The following RNGTT variants were observed in gnomAD, a reference collection of about 807,000 sequenced individuals.
The protein encoded by RNGTT is mRNA-capping enzyme.
Under a neutral mutation model 79.3 loss-of-function variants are expected in RNGTT, and 33 were observed. The ratio of observed to expected loss-of-function variants is 0.42; its 90% CI spans 0.32 to 0.56. The LOEUF (loss-of-function observed/expected upper bound fraction) is 0.56. Among genes scored for constraint, RNGTT ranks in the 20% least tolerant of loss-of-function variants. RNGTT has a pLI of 0.17. For missense variants in RNGTT, 497 were observed against 739.1 expected, an observed-to-expected ratio of 0.67 and a Z score of 3.80; for synonymous variants, 222 against 235.9, an observed-to-expected ratio of 0.94 and a Z score of 0.54.
intron 11 of RNGTT, among the ~76,000 whole-genome samples, chr6:88,812,533 G>T (rs1780173815): frequency 6.6e-6 from 1 of 152,206 alleles, no homozygotes; most frequent in African/African-American, 2.4e-5. Flanking sequence ...ACTGTGTTAA[G>T]TGTTTGAGAT....
At chr6:88,908,682 C>G (rs897046591) in intron 4 of RNGTT, among the ~76,000 whole-genome samples, 2 of 152,188 alleles carry the variant, frequency 1.3e-5, no homozygotes, top group Non-Finnish European at 2.9e-5. Flanking sequence ...CACGGTGCAG[C>G]TGCAGCAAAA....
At chr6:88,939,089 G>T (rs1449404841) in intron 2 of RNGTT, among the ~76,000 whole-genome samples, 1 of 152,164 alleles carries the variant, frequency 6.6e-6, no homozygotes, top group African/African-American at 2.4e-5. Context: ...TTGTGGAGAA[G>T]ACCTTTTTAG....
At chr6:88,747,967 T>C (rs1159980809) in intron 13 of RNGTT, among the ~76,000 whole-genome samples, 2 of 152,164 alleles carry the variant, frequency 1.3e-5, no homozygotes, top group African/African-American at 2.4e-5. Flanking sequence ...AAGAGAATTC[T>C]GGAAAACGCA....
chr6:88,935,364 T>C (rs1212177365), intron 2 of RNGTT, among the ~76,000 whole-genome samples: 1 of 152,190 alleles, frequency 6.6e-6, no homozygotes, highest in East Asian at 1.9e-4. Flanking sequence ...CACAGCTTTG[T>C]TCCTTTTGCT....
chr6:88,768,472 C>G lies in RNGTT; in HGVS notation c.1439+1302G>C, dbSNP rs187365233. Among the ~76,000 whole-genome samples, 323 of 152,274 alleles carry G rather than the reference C, an allele frequency of 2.1e-3. 1 individual carries two copies. Among genetic ancestry groups the G allele is most frequent in the South Asian group, 0.014 (70 of 4,828 alleles). ...TACCCACATGCTTTATTAAACCCAC[C>G]TTTTCACTTAAGATTCACCACAATG... is the stretch of plus-strand genomic sequence containing the variant. On this transcript the variant is annotated intron_variant, in intron 13 of 15. Coordinates refer to ENST00000369485, the MANE Select transcript of RNGTT (RefSeq NM_003800.5).
chr6:88,898,659 C>CTG (rs956341739), intron 6 of RNGTT, among the ~76,000 whole-genome samples: 44 of 147,146 alleles, frequency 3.0e-4, no homozygotes, highest in African/African-American at 4.5e-4. Context: ...AGTATATATA[C>CTG]TGTGTGTGTG....
chr6:88,633,567 T>G (rs184742642), intron 14 of RNGTT, among the ~76,000 whole-genome samples: 1 of 152,278 alleles, frequency 6.6e-6, no homozygotes, highest in Admixed American at 6.5e-5. Flanking sequence ...AACCTGACAA[T>G]AAGCTCAATC....
At chr6:88,701,858 G>T (rs150790739) in intron 13 of RNGTT, among the ~76,000 whole-genome samples, 7 of 152,096 alleles carry the variant, frequency 4.6e-5, no homozygotes, top group African/African-American at 1.4e-4. Flanking sequence ...TTGGGCTTCA[G>T]TGAAGTTTCA....
intron 14 of RNGTT, among the ~76,000 whole-genome samples, chr6:88,642,509 G>T (rs2127773738): frequency 6.6e-6 from 1 of 152,240 alleles, no homozygotes; most frequent in South Asian, 2.1e-4. Context: ...TTCTATAGAG[G>T]TTCTTCTTTA....
chr6:88,944,420 G>C (rs1310026965), intron 1 of RNGTT, among the ~76,000 whole-genome samples: 1 of 152,084 alleles, frequency 6.6e-6, no homozygotes, highest in East Asian at 1.9e-4. Flanking sequence ...CCTTGCCTTT[G>C]CAGTTAATCT....
At chr6:88,647,093 G>A (rs6920037) in intron 14 of RNGTT, among the ~76,000 whole-genome samples, 40,128 of 151,586 alleles carry the variant, frequency 0.26, 9,249 homozygotes, top group African/African-American at 0.63. Flanking sequence ...CATTGAGGCC[G>A]GGGACCATCA....
At position 88,674,295 on chromosome 6, in the gene RNGTT, C is replaced by A. The variant is rs58936540; in HGVS notation, c.1506+4058G>T. Among the ~76,000 whole-genome samples the A allele has an allele frequency of 2.7e-3, 415 of 152,278 alleles. 2 individuals carry two copies. Among genetic ancestry groups the A allele is most frequent in the African/African-American group, 9.7e-3 (403 of 41,552 alleles). On this transcript the variant is annotated intron_variant, in intron 14 of 15. Transcript: ENST00000369485. ...AGGCATGGTGGCTCACACCTGTAAT[C>A]CCGGCACTTTCGGAGGCTGAGATGG...
chr6:88,801,004 C>G (rs941831699), intron 12 of RNGTT, among the ~76,000 whole-genome samples: 1 of 152,154 alleles, frequency 6.6e-6, no homozygotes, highest in Non-Finnish European at 1.5e-5. Context: ...AATGAGAAAA[C>G]CTGCTATAGA....
intron 13 of RNGTT, among the ~76,000 whole-genome samples, chr6:88,697,617 C>T (rs1775723797): frequency 6.6e-6 from 1 of 151,650 alleles, no homozygotes; most frequent in African/African-American, 2.4e-5. Context: ...GTAATCCCAG[C>T]ACTTTGGAGG....
chr6:88,850,880 G>C (rs760479643), intron 9 of RNGTT, among the ~76,000 whole-genome samples: 4 of 151,914 alleles, frequency 2.6e-5, no homozygotes, highest in African/African-American at 9.7e-5. Flanking sequence ...ACACAGGCAC[G>C]CTTCAGATAT....
In RNGTT at chr6:88,629,042, G is replaced by A. The variant is rs1391096481; in HGVS notation, c.1507-14647C>T. Among the ~76,000 whole-genome samples the A allele has an allele frequency of 3.9e-5, 6 of 152,138 alleles. No homozygotes were observed. The East Asian group carries it at 1.2e-3, about 29-fold the overall frequency. Reference sequence around the variant, plus strand: ...AAAATCCCAAAACCATGAGCCTCAAGTGCCATGTGTTGGTCAATACTAGTT... The same window carrying A: ...AAAATCCCAAAACCATGAGCCTCAAATGCCATGTGTTGGTCAATACTAGTT... On this transcript the variant is annotated intron_variant, in intron 14 of 15. Coordinates refer to ENST00000369485, the MANE Select transcript of RNGTT (RefSeq NM_003800.5).
intron 13 of RNGTT, among the ~76,000 whole-genome samples, chr6:88,704,269 A>AAAAAC (rs2127803524): frequency 7.7e-6 from 1 of 129,374 alleles, no homozygotes; most frequent in African/African-American, 3.0e-5. Flanking sequence ...CAAAAAAAAA[A>AAAAAC]AAAAAAAAAA....
intron 6 of RNGTT, among the ~76,000 whole-genome samples, chr6:88,898,689 T>C (rs1421366359): frequency 1.3e-5 from 2 of 150,476 alleles, no homozygotes; most frequent in Non-Finnish European, 3.0e-5. Flanking sequence ...ATATATATTA[T>C]ATATATGTAT....
At chr6:88,962,753 A>G (rs1582185132) in intron 1 of RNGTT, among the ~76,000 whole-genome samples, 1 of 151,522 alleles carries the variant, frequency 6.6e-6, no homozygotes, top group Non-Finnish European at 1.5e-5. Context: ...TACATTATAA[A>G]TATATATATA....
Sources: allele counts gnomAD v4.1 joint callset (sites outside exome capture counted in the v4.1 genomes callset), GRCh38; gene constraint gnomAD v4.1.1; transcripts MANE v1.5; gene names NCBI Gene and HGNC (gene_info 2026-07-23, HGNC 2026-07-21).